Variants in DGKG observed in about 807,000 individuals in gnomAD.
DGKG encodes the protein diacylglycerol kinase gamma.
Under a neutral mutation model 105.3 loss-of-function variants are expected in DGKG, and 78 were observed. That is an observed-to-expected ratio of 0.74 (90% CI 0.62 to 0.89). The LOEUF is 0.89. DGKG is among the 40% of genes least tolerant of loss of function. The probability of loss-of-function intolerance (pLI) is 0.00; values close to 1 mark genes in which losing one functional copy is unlikely to be tolerated. For synonymous variants in DGKG, 346 were observed against 367.1 expected (o/e 0.94, Z 0.66); for missense variants, 958 against 1,020.1 (o/e 0.94, Z 0.83).
chr3:186,204,001 G>C (rs1488242399), intron 21 of DGKG, among the ~76,000 whole-genome samples: 3 of 152,196 alleles, frequency 2.0e-5, no homozygotes, highest in African/African-American at 7.2e-5. Flanking sequence ...AGACAGAGTA[G>C]AGAATGCCCA....
chr3:186,273,367 C>CCTTTTTTTTTTTTTTT lies in DGKG; in HGVS notation c.911-1025_911-1024insAAAAAAAAAAAAAAAG, dbSNP rs1553811123. Among the ~76,000 whole-genome samples the CCTTTTTTTTTTTTTTT allele has an allele frequency of 1.1e-4, 9 of 85,598 alleles. 4 individuals carry two copies. Among genetic ancestry groups the CCTTTTTTTTTTTTTTT allele is most frequent in the Admixed American group, 3.0e-4 (2 of 6,778 alleles). 56.2% of individuals were successfully genotyped at this position (85,598 alleles called of 152,430 possible). A position where few individuals can be genotyped will look rare whatever the true frequency, so the allele number is the denominator to read the frequency against. On this transcript the variant is annotated intron_variant, in intron 10 of 24. Coordinates refer to ENST00000265022, the MANE Select transcript of DGKG (RefSeq NM_001346.3). The stretch of plus-strand genomic sequence containing the variant: ...TGGCGCTGGGGAGACTGTTGTACCC[C>CCTTTTTTTTTTTTTTT]TTTTTTTTTTTTTTTTTTTTTTTTT...
intron 22 of DGKG, among the ~76,000 whole-genome samples, chr3:186,175,449 G>A (rs971111807): frequency 8.5e-5 from 13 of 152,204 alleles, no homozygotes; most frequent in Admixed American, 3.9e-4. Flanking sequence ...CGATGAAGGC[G>A]CTGTATGTTG....
At chr3:186,332,757 GT>G (rs1334990954) in intron 1 of DGKG, among the ~76,000 whole-genome samples, 1 of 152,166 alleles carries the variant, frequency 6.6e-6, no homozygotes, top group Admixed American at 6.5e-5. Flanking sequence ...CAAAATTCAT[GT>G]TGAAATTTAA....
At chr3:186,159,697 C>A (rs1716196388) in intron 24 of DGKG, 1 of 152,124 alleles carries the variant, frequency 6.6e-6, no homozygotes, top group African/African-American at 2.4e-5. Flanking sequence ...TGGGTTTTAA[C>A]CCTTGCAAGT....
chr3:186,257,058 C>T (rs1016317738), intron 17 of DGKG, among the ~76,000 whole-genome samples: 2 of 152,214 alleles, frequency 1.3e-5, no homozygotes, highest in African/African-American at 4.8e-5. Context: ...CTTGACACAT[C>T]ATGGAGCACA....
Position 186,251,939 on chromosome 3 carries a change from A to G in DGKG, c.1601-20T>C, listed in dbSNP as rs373593501. ...CATAACCTGTGGAGGACAGCACTGC[A>G]TTTGCCACCACAGCAGAAAGGCTGT... On this transcript the variant is annotated intron_variant, in intron 18 of 24. Coordinates refer to ENST00000265022, the MANE Select transcript of DGKG (RefSeq NM_001346.3). 1.3e-6 allele frequency: 2 copies of G among 1,529,770 alleles called. No homozygotes were observed. Among genetic ancestry groups the G allele is most frequent in the African/African-American group, 2.8e-5 (2 of 72,156 alleles). 94.8% of individuals were successfully genotyped at this position (1,529,770 alleles called of 1,614,324 possible). A position where few individuals can be genotyped will look rare whatever the true frequency, so the allele number is the denominator to read the frequency against.
At chr3:186,359,374 A>G (rs923666131) in intron 1 of DGKG, among the ~76,000 whole-genome samples, 3 of 152,188 alleles carry the variant, frequency 2.0e-5, no homozygotes, top group African/African-American at 4.8e-5. Flanking sequence ...AACTTAAATA[A>G]CTAACAGTGT....
intron 2 of DGKG, among the ~76,000 whole-genome samples, chr3:186,307,621 C>T (rs1405762620): frequency 6.6e-6 from 1 of 152,196 alleles, no homozygotes; most frequent in Non-Finnish European, 1.5e-5. Context: ...CCTGCTTCAG[C>T]TTTACCTTGA....
intron 9 of DGKG, among the ~76,000 whole-genome samples, chr3:186,277,740 G>A (rs540341940): frequency 1.3e-5 from 2 of 152,264 alleles, no homozygotes; most frequent in East Asian, 3.9e-4. Flanking sequence ...TCCACATGAT[G>A]GTGGCTGCAG....
intron 2 of DGKG, among the ~76,000 whole-genome samples, chr3:186,308,987 T>C (rs1315045713): frequency 6.6e-6 from 1 of 152,224 alleles, no homozygotes; most frequent in East Asian, 1.9e-4. Context: ...GAGCCAGGGT[T>C]GTAACTCAGG....
At chr3:186,195,778 C>T (rs1718150705) in intron 21 of DGKG, among the ~76,000 whole-genome samples, 1 of 152,108 alleles carries the variant, frequency 6.6e-6, no homozygotes, top group Non-Finnish European at 1.5e-5. Context: ...CATAGTCTAT[C>T]CCTTGTATTT....
chr3:186,299,831 T>C (rs1348755717), intron 3 of DGKG, among the ~76,000 whole-genome samples: 86 of 122,970 alleles, frequency 7.0e-4, no homozygotes, highest in African/African-American at 2.4e-3. Context: ...CTTTCTTTCT[T>C]TCTTTCTTTT....
chr3:186,326,469 CT>C (rs1186452251), intron 1 of DGKG, among the ~76,000 whole-genome samples: 1 of 152,020 alleles, frequency 6.6e-6, no homozygotes, highest in Non-Finnish European at 1.5e-5. Flanking sequence ...CTCTCTCTCT[CT>C]CTCTGTTAAA....
intron 19 of DGKG, among the ~76,000 whole-genome samples, chr3:186,251,410 G>C (rs1231356792): frequency 6.6e-6 from 1 of 152,200 alleles, no homozygotes; most frequent in Non-Finnish European, 1.5e-5. Flanking sequence ...TCATGTGAGA[G>C]TTTCCTACCA....
chr3:186,194,148 C>G (rs1043656595), intron 21 of DGKG, among the ~76,000 whole-genome samples: 2 of 152,260 alleles, frequency 1.3e-5, no homozygotes, highest in African/African-American at 2.4e-5. Context: ...TGGTTTCTTC[C>G]TGAGCCACGG....
intron 2 of DGKG, among the ~76,000 whole-genome samples, chr3:186,311,032 G>C (rs1240715357): frequency 6.6e-6 from 1 of 152,166 alleles, no homozygotes; most frequent in African/African-American, 2.4e-5. Flanking sequence ...TTGAACACTG[G>C]TAAGTTAGAA....
chr3:186,229,993 C>T (rs1720067180), intron 20 of DGKG, among the ~76,000 whole-genome samples: 1 of 152,168 alleles, frequency 6.6e-6, no homozygotes, highest in South Asian at 2.1e-4. Flanking sequence ...GGCGCGGTGG[C>T]TCACGCCTGT....
At chr3:186,236,940 T>C (rs1720448132) in intron 20 of DGKG, among the ~76,000 whole-genome samples, 1 of 152,272 alleles carries the variant, frequency 6.6e-6, no homozygotes, top group African/African-American at 2.4e-5. Flanking sequence ...AGACTTCTCT[T>C]TCTAGACACT....
chr3:186,277,537 C>G (rs958889417), intron 9 of DGKG, among the ~76,000 whole-genome samples: 12 of 152,264 alleles, frequency 7.9e-5, no homozygotes, highest in African/African-American at 2.9e-4. Context: ...AATGATAGCA[C>G]TCTTCAGCAG....
Sources: gnomAD v4.1 joint callset for allele counts (sites outside exome capture counted in the v4.1 genomes callset) on GRCh38, gnomAD v4.1.1 for gene constraint, MANE v1.5 for transcripts, NCBI Gene and HGNC (gene_info 2026-07-23, HGNC 2026-07-21) for gene names.